Variants in BAALC observed in about 807,000 individuals in gnomAD.
BAALC encodes the protein BAALC binder of MAP3K1 and KLF4.
BAALC carries 9 observed loss-of-function variants against 15.5 expected under a neutral mutation model. The ratio of observed to expected loss-of-function variants is 0.58; its 90% CI spans 0.35 to 1.02. BAALC has a LOEUF of 1.02. Ranked by LOEUF, BAALC falls within the 50% of genes least tolerant of loss-of-function variation. The pLI is 0.02. For synonymous variants in BAALC, 80 were observed against 74.6 expected (o/e 1.07, Z -0.37); for missense variants, 201 against 192.4 (o/e 1.04, Z -0.27).
intron 1 of BAALC, among the ~76,000 whole-genome samples, chr8:103,201,309 C>G (rs1254787120): frequency 6.6e-6 from 1 of 152,178 alleles, no homozygotes; most frequent in East Asian, 1.9e-4. Flanking sequence ...AGGACCACCC[C>G]TCATGTGCAA....
intron 1 of BAALC, among the ~76,000 whole-genome samples, chr8:103,156,805 T>C (rs1811101690): frequency 6.6e-6 from 1 of 152,252 alleles, no homozygotes; most frequent in Non-Finnish European, 1.5e-5. Context: ...TTATGGTGTT[T>C]ACTTTTCTGA....
chr8:103,162,452 G>A (rs996688250), intron 1 of BAALC, among the ~76,000 whole-genome samples: 7 of 152,134 alleles, frequency 4.6e-5, no homozygotes, highest in Admixed American at 6.5e-5. Context: ...CATCTCTCTC[G>A]GTACAGTCCC....
chr8:103,191,843 T>G (rs570905417), intron 1 of BAALC, among the ~76,000 whole-genome samples: 6 of 152,242 alleles, frequency 3.9e-5, no homozygotes, highest in African/African-American at 1.4e-4. Flanking sequence ...AAAGTAAGCT[T>G]AAACTTGTTT....
rs577140642 is a variant in BAALC, at chr8:103,212,996, A to G, written c.238A>G (p.Lys80Glu). Residue 80 changes from lysine to glutamate, a missense_variant, in exon 2 of 3, where the codon AAG becomes GAG. Coordinates refer to ENST00000309982, the MANE Select transcript of BAALC (RefSeq NM_024812.3). ...APGGIPNPEK[K>E]TNCETQCPNP... The stretch of plus-strand genomic sequence containing the variant: ...AGGTGGAATACCCAACCCAGAGAAG[A>G]AGACGAACTGTGAGACCCAGTGCCC... 2 of 1,614,148 alleles carry G rather than the reference A, an allele frequency of 1.2e-6. No homozygotes were observed. Among genetic ancestry groups the G allele is most frequent in the African/African-American group, 2.7e-5 (2 of 75,042 alleles).
In BAALC at chr8:103,140,930, C is replaced by A. The variant is rs761135936; in HGVS notation, c.33C>A (p.Ile11=). The part of the protein sequence containing the change: MGCGGSRADA[I]EPRYYESWTR... The stretch of plus-strand genomic sequence containing the variant: ...GCGGCGGGAGCCGGGCGGATGCCAT[C>A]GAGCCCCGCTACTACGAGAGCTGGA... The change falls in exon 1 of 3, where the codon ATC becomes ATA. Residue 11 remains isoleucine (I), a synonymous_variant. Transcript: ENST00000309982. This position sits in a 1 kb window ranked among gnomAD's most constrained non-coding sequence, Gnocchi z 4.2. 21 of 1,527,946 alleles carry A rather than the reference C, an allele frequency of 1.4e-5. No individual in the cohort carries two copies. In the African/African-American group the frequency reaches 3.0e-4, roughly 22 times the overall value. 94.6% of individuals were successfully genotyped at this position (1,527,946 alleles called of 1,614,324 possible).
rs1336094583 is a variant in BAALC, at chr8:103,229,821, A to ACTT, written c.*1723_*1725dup. The ACTT allele has an allele frequency of 6.6e-6, 1 of 152,204 alleles. No homozygotes were observed. Among genetic ancestry groups the ACTT allele is most frequent in the East Asian group, 1.9e-4 (1 of 5,196 alleles). 9.4% of individuals were successfully genotyped at this position (152,204 alleles called of 1,614,324 possible). On this transcript the variant is annotated 3_prime_UTR_variant, in exon 3 of 3. Coordinates refer to ENST00000309982, the MANE Select transcript of BAALC (RefSeq NM_024812.3). ...ATTCTTTGAGAAAGGGCTTTTAGGA[A>ACTT]CTTTATGTTCTAAAAAATGTTTTTA...
chr8:103,179,138 C>G (rs1207423297), intron 1 of BAALC, among the ~76,000 whole-genome samples: 1 of 152,206 alleles, frequency 6.6e-6, no homozygotes, highest in Non-Finnish European at 1.5e-5. Context: ...CTGTTTGGCC[C>G]TAATCAAATG....
chr8:103,165,232 G>T (rs923066557), intron 1 of BAALC, among the ~76,000 whole-genome samples: 39 of 152,124 alleles, frequency 2.6e-4, no homozygotes, highest in African/African-American at 9.4e-4. Context: ...GTTACATCAT[G>T]ATTTCTACCA....
At chr8:103,147,113 C>A (rs575923638) in intron 1 of BAALC, among the ~76,000 whole-genome samples, 11 of 152,356 alleles carry the variant, frequency 7.2e-5, no homozygotes, top group African/African-American at 2.6e-4. Context: ...GCAAATGAAG[C>A]TTAGTCTGTC....
chr8:103,200,827 C>A, intron 1 of BAALC: 1 of 602,826 alleles, frequency 1.7e-6, no homozygotes, highest in Non-Finnish European at 3.1e-6. Flanking sequence ...GAAGACAGAA[C>A]CGTCATGGCA....
intron 1 of BAALC, among the ~76,000 whole-genome samples, chr8:103,177,277 T>C (rs778837103): frequency 6.6e-6 from 1 of 151,370 alleles, no homozygotes; most frequent in African/African-American, 2.4e-5. Context: ...GCTTCACTCC[T>C]GGGCCCAAGT....
chr8:103,174,114 A>G (rs1041913425), intron 1 of BAALC, among the ~76,000 whole-genome samples: 1 of 152,178 alleles, frequency 6.6e-6, no homozygotes, highest in African/African-American at 2.4e-5. Flanking sequence ...TGGAAGATTC[A>G]AACCCCAGAA....
chr8:103,197,960 G>A (rs1278092878), intron 1 of BAALC: 8 of 561,336 alleles, frequency 1.4e-5, no homozygotes, highest in African/African-American at 7.6e-5. Flanking sequence ...TCATCCCAAC[G>A]ATGCCCAGTC....
At chr8:103,213,866 G>C (rs746312115) in intron 2 of BAALC, among the ~76,000 whole-genome samples, 1 of 152,060 alleles carries the variant, frequency 6.6e-6, no homozygotes, top group Non-Finnish European at 1.5e-5. Flanking sequence ...ACTGAACCAG[G>C]TTCATTCTGT....
intron 1 of BAALC, among the ~76,000 whole-genome samples, chr8:103,191,985 C>T (rs1811977888): frequency 6.6e-6 from 1 of 152,160 alleles, no homozygotes; most frequent in Admixed American, 6.5e-5. Context: ...AAACCCACAG[C>T]ATCAGTGTCT....
chr8:103,213,496 C>T (rs535159381), intron 2 of BAALC: 11 of 157,572 alleles, frequency 7.0e-5, no homozygotes, highest in Non-Finnish European at 1.3e-4. Context: ...GCATTTTACT[C>T]AGGCCCTCCA....
At chr8:103,221,734 T>A (rs1293916805) in intron 2 of BAALC, among the ~76,000 whole-genome samples, 4 of 150,078 alleles carry the variant, frequency 2.7e-5, no homozygotes, top group Non-Finnish European at 5.9e-5. Flanking sequence ...TTTTCTCATC[T>A]TCTTTCTCTC....
Position 103,228,475 on chromosome 8 carries a change from T to TAAC in BAALC, c.*377_*379dup, listed in dbSNP as rs780291842. 1.7e-5 allele frequency: 3 copies of TAAC among 174,018 alleles called. No homozygotes were observed. Among genetic ancestry groups the TAAC allele is most frequent in the Non-Finnish European group, 2.4e-5 (2 of 82,800 alleles). The allele number at this position is 174,018 out of a possible 1,614,324, so 10.8% of individuals were successfully genotyped here. On this transcript the variant is annotated 3_prime_UTR_variant, in exon 3 of 3. Coordinates refer to ENST00000309982, the MANE Select transcript of BAALC (RefSeq NM_024812.3). ...GTGAAAGAGTCACACCTTAGTGCTA[T>TAAC]AACTCTCCTGCCCATGATAGTGTAT... is the stretch of plus-strand genomic sequence containing the variant.
intron 1 of BAALC, among the ~76,000 whole-genome samples, chr8:103,183,698 C>T (rs994145339): frequency 6.6e-6 from 1 of 152,172 alleles, no homozygotes; most frequent in African/African-American, 2.4e-5. Context: ...GCCCCACCAC[C>T]TCTGCTCCAT....
Sources: gnomAD v4.1 joint callset for allele counts (sites outside exome capture counted in the v4.1 genomes callset) on GRCh38, gnomAD v4.1.1 for gene constraint, Gnocchi (gnomAD v3.1) non-coding constraint, MANE v1.5 for transcripts, NCBI Gene and HGNC (gene_info 2026-07-23, HGNC 2026-07-21) for gene names.